KIAA1217: variants seen among roughly 807,000 people sequenced by gnomAD.
The protein encoded by KIAA1217 is sickle tail protein homolog.
In KIAA1217, 88 loss-of-function variants were observed where a neutral mutation model predicts 163.9. The ratio of observed to expected loss-of-function variants is 0.54; its 90% CI spans 0.45 to 0.64. KIAA1217 has a LOEUF of 0.64. Among genes scored for constraint, KIAA1217 ranks in the 30% least tolerant of loss-of-function variants. KIAA1217 has a pLI of 0.00. For synonymous variants in KIAA1217, 903 were observed against 923.1 expected (o/e 0.98, Z 0.39); for missense variants, 2,372 against 2,475.0 (o/e 0.96, Z 0.88).
intron 1 of KIAA1217, among the ~76,000 whole-genome samples, chr10:23,729,181 T>G (rs1838335230): frequency 6.6e-6 from 1 of 152,224 alleles, no homozygotes; most frequent in Admixed American, 6.5e-5. Flanking sequence ...TACCATAGTT[T>G]ACTTACTCAT....
At chr10:24,066,279 A>T (rs1288412214) in intron 2 of KIAA1217, among the ~76,000 whole-genome samples, 1 of 152,112 alleles carries the variant, frequency 6.6e-6, no homozygotes, top group Non-Finnish European at 1.5e-5. Context: ...AGTGGCTGGT[A>T]CCAGTTGTTC....
intron 1 of KIAA1217, among the ~76,000 whole-genome samples, chr10:23,973,151 T>G (rs1845391772): frequency 6.8e-6 from 1 of 146,242 alleles, no homozygotes; most frequent in Admixed American, 7.0e-5. Context: ...GATATCACTT[T>G]GTCAGCTAAT....
intron 1 of KIAA1217, among the ~76,000 whole-genome samples, chr10:23,788,261 C>G (rs1168125091): frequency 1.3e-5 from 2 of 152,038 alleles, no homozygotes; most frequent in Non-Finnish European, 2.9e-5. Context: ...AGTTAAGATT[C>G]TCTTCATTTC....
At chr10:23,728,116 G>A (rs927436633) in intron 1 of KIAA1217, among the ~76,000 whole-genome samples, 15 of 152,004 alleles carry the variant, frequency 9.9e-5, no homozygotes, top group South Asian at 2.1e-4. Flanking sequence ...ATACATGTGC[G>A]TGTATCTTTA....
In KIAA1217 at chr10:24,075,119, T is replaced by TACACAC. The variant is rs71397929; in HGVS notation, c.-171+67786_-171+67791dup. Reference sequence around the variant, plus strand: ...AGAAAGTCCTTCTGTTCCCCCTAAATACACACACACACACACACACACACA... The same window carrying TACACAC: ...AGAAAGTCCTTCTGTTCCCCCTAAATACACACACACACACACACACACACACACACA... On this transcript the variant is annotated intron_variant, in intron 2 of 18. Transcript: ENST00000376462. 5.5e-3 allele frequency among the ~76,000 whole-genome samples: 730 copies of TACACAC among 131,544 alleles called. 1 individual carries two copies. The highest frequency in any genetic ancestry group is 9.6e-3 in the African/African-American group (361 of 37,432). The allele number at this position is 131,544 out of a possible 152,430, so 86.3% of individuals were successfully genotyped here. A position where few individuals can be genotyped will look rare whatever the true frequency, so the allele number is the denominator to read the frequency against.
Position 24,224,872 on chromosome 10 carries a change from G to C in KIAA1217, c.354+4963G>C, listed in dbSNP as rs112820586. On this transcript the variant is annotated intron_variant, in intron 2 of 20. Coordinates refer to ENST00000376454, the MANE Select transcript of KIAA1217 (RefSeq NM_019590.5). ...GATGGAGTCTCACTCTGTCACCCAG[G>C]CTGGAGTGCAGTGGCGCAGTCTCGG... Among the ~76,000 whole-genome samples, 1,411 of 145,828 alleles carry C rather than the reference G, an allele frequency of 9.7e-3. 9 individuals are homozygous for C. Among genetic ancestry groups the C allele is most frequent in the Non-Finnish European group, 0.016 (1,081 of 67,218 alleles).
At chr10:23,914,741 C>T (rs911359523) in intron 1 of KIAA1217, among the ~76,000 whole-genome samples, 9 of 152,126 alleles carry the variant, frequency 5.9e-5, no homozygotes, top group African/African-American at 1.7e-4. Context: ...GTGTAAATAC[C>T]GGTGCAACAC....
chr10:24,321,276 G>A (rs116684002), intron 2 of KIAA1217, among the ~76,000 whole-genome samples: 2,795 of 152,216 alleles, frequency 0.018, 110 homozygotes, highest in African/African-American at 0.064. Flanking sequence ...GCTTATGCCT[G>A]TAATCCCAGC....
intron 3 of KIAA1217, among the ~76,000 whole-genome samples, chr10:24,403,165 C>A (rs78103215): frequency 6.6e-6 from 1 of 152,098 alleles, no homozygotes; most frequent in Non-Finnish European, 1.5e-5. Flanking sequence ...ATTTCTTAGA[C>A]GTGACAGCAG....
chr10:23,920,331 C>T (rs941455442), intron 1 of KIAA1217, among the ~76,000 whole-genome samples: 6 of 152,120 alleles, frequency 3.9e-5, no homozygotes, highest in African/African-American at 1.4e-4. Context: ...TCTGGTCATC[C>T]ACTTTTAGCT....
At chr10:24,008,161 GA>G (rs1847080179) in intron 2 of KIAA1217, among the ~76,000 whole-genome samples, 1 of 45,550 alleles carries the variant, frequency 2.2e-5, no homozygotes, top group Non-Finnish European at 4.0e-5. Flanking sequence ...TAGGAAATTA[GA>G]TAGATAGATA....
At chr10:24,192,884 G>C (rs532457159) in intron 2 of KIAA1217, among the ~76,000 whole-genome samples, 1 of 152,294 alleles carries the variant, frequency 6.6e-6, no homozygotes, top group Admixed American at 6.5e-5. Flanking sequence ...GGGCTCAAAC[G>C]ATCTTCCTGC....
In KIAA1217 at chr10:24,521,793, A is replaced by T. The variant is rs1187774576; in HGVS notation, c.2320A>T (p.Thr774Ser). 1 of 1,612,368 alleles carries T rather than the reference A, an allele frequency of 6.2e-7. No individual in the cohort carries two copies. Among genetic ancestry groups the T allele is most frequent in the Non-Finnish European group, 8.5e-7 (1 of 1,179,676 alleles). Residue 774 changes from threonine (T) to serine (S), a missense_variant, in exon 12 of 21, where the codon ACC (threonine) becomes TCC (serine). Around this residue, in one of 3 missense-constraint regions of KIAA1217, gnomAD observed 1,431 missense variants for 1,470.3 expected, o/e 0.97. Transcript: ENST00000376454. Reference sequence around the variant, plus strand: ...GTTTGGGCCTGCAGGAGAATTTCCAACCTTACAAAACAAGATGCGAGCCAT... The same window carrying T: ...GTTTGGGCCTGCAGGAGAATTTCCATCCTTACAAAACAAGATGCGAGCCAT... ...AVATLKGEFPTLQNKMRAILR... is the reference protein window; with the variant it reads ...AVATLKGEFPSLQNKMRAILR...
intron 1 of KIAA1217, among the ~76,000 whole-genome samples, chr10:23,745,851 TA>T (rs112147320): frequency 2.3e-4 from 35 of 152,288 alleles, no homozygotes; most frequent in African/African-American, 8.2e-4. Context: ...GAGCAATGAA[TA>T]AAATAATATG....
intron 9 of KIAA1217, among the ~76,000 whole-genome samples, chr10:24,503,859 T>G (rs910386296): frequency 6.6e-6 from 1 of 152,184 alleles, no homozygotes; most frequent in Non-Finnish European, 1.5e-5. Context: ...AATTGTTACC[T>G]CCTCATTGCG....
In KIAA1217 at chr10:23,749,361, G is replaced by A. The variant is rs533597008; in HGVS notation, c.-321+54127G>A. The stretch of plus-strand genomic sequence containing the variant: ...TATGTCTCTTTCTCCAACTCCCTTT[G>A]TTCTCTGCCATCTTTACCCATTTCT... On this transcript the variant is annotated intron_variant, in intron 1 of 18. Coordinates refer to the KIAA1217 transcript ENST00000376462. Among the ~76,000 whole-genome samples, 20 of 151,306 alleles carry A rather than the reference G, an allele frequency of 1.3e-4. 1 individual carries two copies. Among genetic ancestry groups the A allele is most frequent in the African/African-American group, 4.8e-4 (20 of 41,306 alleles).
intron 1 of KIAA1217, among the ~76,000 whole-genome samples, chr10:23,926,037 A>G (rs1353868002): frequency 6.6e-6 from 1 of 152,190 alleles, no homozygotes; most frequent in Non-Finnish European, 1.5e-5. Context: ...TCCTCGATCC[A>G]GGCAGACCTC....
At chr10:24,250,075 T>C (rs1411574165) in intron 2 of KIAA1217, among the ~76,000 whole-genome samples, 1 of 152,188 alleles carries the variant, frequency 6.6e-6, no homozygotes, top group East Asian at 1.9e-4. Flanking sequence ...TGCTGCTTGT[T>C]GGCAATACTC....
intron 1 of KIAA1217, among the ~76,000 whole-genome samples, chr10:23,852,339 A>G (rs1839391840): frequency 6.6e-6 from 1 of 151,996 alleles, no homozygotes; most frequent in African/African-American, 2.4e-5. Context: ...AAGCGGCGCT[A>G]TTTCTGAGGG....
Sources: allele counts gnomAD v4.1 joint callset (sites outside exome capture counted in the v4.1 genomes callset), GRCh38; gene constraint gnomAD v4.1.1; regional missense constraint gnomAD v4.1.1; transcripts MANE v1.5; gene names NCBI Gene and HGNC (gene_info 2026-07-23, HGNC 2026-07-21).